GAD1: variants seen among roughly 807,000 people sequenced by gnomAD.
GAD1 encodes glutamate decarboxylase 1.
In GAD1, 35 loss-of-function variants were observed where a neutral mutation model predicts 75.2. That is an observed-to-expected ratio of 0.47 (90% confidence interval 0.36 to 0.62). GAD1 has a LOEUF of 0.62. Ranked by LOEUF, GAD1 falls within the 20% of genes least tolerant of loss-of-function variation. The probability of loss-of-function intolerance (pLI) is 0.00; values close to 1 mark genes in which losing one functional copy is unlikely to be tolerated. For synonymous variants in GAD1, 257 were observed against 271.9 expected (o/e 0.95, Z 0.54); for missense variants, 490 against 758.5 (o/e 0.65, Z 4.16).
intron 3 of GAD1, among the ~76,000 whole-genome samples, chr2:170,826,653 A>T (rs767278313): frequency 7.2e-5 from 11 of 151,958 alleles, no homozygotes; most frequent in Non-Finnish European, 1.2e-4. Flanking sequence ...CAAAACCTCA[A>T]GCCGAGTTTC....
intron 11 of GAD1, chr2:170,848,568 G>A (rs1442505261): frequency 2.4e-6 from 1 of 411,450 alleles, no homozygotes; most frequent in East Asian, 6.8e-5. Context: ...GTATACGGAA[G>A]GCATTATCAA....
rs551136040 is a variant in GAD1 at position 170,827,207 on chromosome 2, T to C, written c.146-2268T>C. 2.0e-5 allele frequency among the ~76,000 whole-genome samples: 3 copies of C among 152,262 alleles called. No homozygotes were observed. The South Asian group carries it at 6.2e-4, about 32-fold the overall frequency. On this transcript the variant is annotated intron_variant, in intron 3 of 16. Transcript: ENST00000358196. ...CATGCATCCCCCCTTCTCCCACCCA[T>C]CACAGTTGAATTGTAGTCCTGGGAA...
chr2:170,820,232 C>A (rs532402208), intron 2 of GAD1, among the ~76,000 whole-genome samples: 2 of 152,266 alleles, frequency 1.3e-5, no homozygotes, highest in South Asian at 2.1e-4. Context: ...GGCGCCCTTA[C>A]GGAATTCCCG....
Position 170,829,642 on chromosome 2 carries a change from T to C in GAD1, c.304+9T>C. The C allele has an allele frequency of 6.2e-7, 1 of 1,602,862 alleles. No homozygotes were observed. The highest frequency in any genetic ancestry group is 8.5e-7 in the Non-Finnish European group (1 of 1,172,398). On this transcript the variant is annotated intron_variant, in intron 4 of 16. Transcript: ENST00000358196. ...TAATCTGTTTGCTAGAGGTAGCCCCTGCCCCACTCCCGCCCCATGCTAGCC... is the reference window on the plus strand; with the variant it reads ...TAATCTGTTTGCTAGAGGTAGCCCCCGCCCCACTCCCGCCCCATGCTAGCC...
In GAD1 at chr2:170,845,525, G is replaced by A. The variant is rs956461027; in HGVS notation, c.771G>A (p.Met257Ile). Residue 257 changes from methionine (M) to isoleucine (I), a missense_variant, in exon 8 of 17, where the codon ATG (methionine) becomes ATA (isoleucine). By Grantham distance (10) the Met-to-Ile change is conservative. Coordinates refer to ENST00000358196, the MANE Select transcript of GAD1 (RefSeq NM_000817.3). ...IFSPGGAISN[M>I]YSIMAARYKY... Reference sequence around the variant, plus strand: ...TGACAGGGGGCGCCATATCCAACATGTACAGCATCATGGCTGCTCGCTACA... The same window carrying A: ...TGACAGGGGGCGCCATATCCAACATATACAGCATCATGGCTGCTCGCTACA... 1.2e-6 allele frequency: 2 copies of A among 1,613,830 alleles called. No individual in the cohort carries two copies. The highest frequency in any genetic ancestry group is 8.5e-7 in the Non-Finnish European group (1 of 1,180,024).
intron 6 of GAD1, among the ~76,000 whole-genome samples, chr2:170,840,658 A>AAGGG (rs766374558): frequency 5.2e-5 from 4 of 77,348 alleles, no homozygotes; most frequent in Non-Finnish European, 7.9e-5. Context: ...GGAGGTAGGG[A>AAGGG]AGGGAGGGAG....
chr2:170,854,071 G>A, intron 14 of GAD1, 49 bp downstream of exon 14: 1 of 1,606,738 alleles, frequency 6.2e-7, no homozygotes, highest in Non-Finnish European at 8.5e-7. Flanking sequence ...AATTTGCACA[G>A]ACTGGCTGGC....
At chr2:170,821,952 C>T in intron 2 of GAD1, 135 bp from the exon 3 acceptor site, 1 of 778,406 alleles carries the variant, frequency 1.3e-6, no homozygotes. Flanking sequence ...GCTCCTAGCT[C>T]CTTTCAGGAA....
intron 7 of GAD1, among the ~76,000 whole-genome samples, chr2:170,844,549 T>C (rs906117401): frequency 6.6e-6 from 1 of 151,958 alleles, no homozygotes; most frequent in Non-Finnish European, 1.5e-5. Context: ...GCTGGGACTA[T>C]AGGCATGTGC....
intron 6 of GAD1, among the ~76,000 whole-genome samples, chr2:170,838,688 A>G (rs1310562579): frequency 6.6e-6 from 1 of 152,204 alleles, no homozygotes; most frequent in Non-Finnish European, 1.5e-5. Context: ...ACTTATGACC[A>G]GATATTCCTA....
intron 6 of GAD1, among the ~76,000 whole-genome samples, chr2:170,840,615 G>A (rs927078769): frequency 6.8e-6 from 1 of 146,920 alleles, no homozygotes; most frequent in African/African-American, 2.5e-5. Context: ...AAGGAAGGGA[G>A]GGAGGGAGGA....
rs1701892575 is a variant in GAD1 at position 170,821,953 on chromosome 2, C to T, written c.83-134C>T. ...GGCTCACAGATTTGGCTCCTAGCTC[C>T]TTTCAGGAAGTAGCTTTTAATGAAG... is the stretch of plus-strand genomic sequence containing the variant. On this transcript the variant is annotated intron_variant, in intron 2 of 16. Coordinates refer to ENST00000358196, the MANE Select transcript of GAD1 (RefSeq NM_000817.3). The T allele has an allele frequency of 8.8e-6, 7 of 796,258 alleles. No individual in the cohort carries two copies. The East Asian group carries it at 1.9e-4, about 21-fold the overall frequency. The allele number at this position is 796,258 out of a possible 1,614,324, so 49.3% of individuals were successfully genotyped here.
chr2:170,818,307 A>C lies in GAD1; in HGVS notation c.-63-222A>C. The stretch of plus-strand genomic sequence containing the variant: ...GCACCGCCAGACTCGAGAGCGGCCC[A>C]GGGCTACGCTCCCTGCGCCCCAGTA... On this transcript the variant is annotated intron_variant, in intron 1 of 16. Transcript: ENST00000358196. This position sits in a 1 kb window ranked among gnomAD's most constrained non-coding sequence, Gnocchi z 5.9. 6.4e-6 allele frequency: 2 copies of C among 311,682 alleles called. No individual in the cohort carries two copies. Among genetic ancestry groups the C allele is most frequent in the Non-Finnish European group, 1.2e-5 (2 of 164,012 alleles). The allele number at this position is 311,682 out of a possible 1,614,324, so 19.3% of individuals were successfully genotyped here.
In GAD1 at chr2:170,822,091, C is replaced by A; in HGVS notation, c.87C>A (p.Tyr29Ter). ...PNTTNLRPTTYDTWCGVAHGC... is the reference protein window; with the variant it reads ...PNTTNLRPTT ...TCTCCCTCTCTCTCGTCCTAGCGTA[C>A]GATACCTGGTGCGGCGTGGCCCATG... The change falls in exon 3 of 17, where the codon TAC becomes TAA. Residue 29 changes from tyrosine (Y) to a stop codon, truncating the protein, a stop_gained. Coordinates refer to ENST00000358196, the MANE Select transcript of GAD1 (RefSeq NM_000817.3). LOFTEE classifies it high-confidence loss of function. 2 of 1,609,798 alleles carry A rather than the reference C, an allele frequency of 1.2e-6. No individual in the cohort carries two copies. The highest frequency in any genetic ancestry group is 8.5e-7 in the Non-Finnish European group (1 of 1,178,352).
chr2:170,831,357 T>C (rs1475818769), intron 5 of GAD1, among the ~76,000 whole-genome samples, 165 bp downstream of exon 5: 2 of 152,092 alleles, frequency 1.3e-5, no homozygotes, highest in Non-Finnish European at 2.9e-5. Context: ...CAGTAACAGT[T>C]GGTGGAGGGA....
intron 6 of GAD1, among the ~76,000 whole-genome samples, chr2:170,839,209 G>A (rs1055142570): frequency 6.6e-6 from 1 of 152,190 alleles, no homozygotes; most frequent in Non-Finnish European, 1.5e-5. Flanking sequence ...TTGAATTTAG[G>A]TGGCACCTGA....
chr2:170,820,528 ACTT>A, intron 2 of GAD1, among the ~76,000 whole-genome samples: 1 of 152,228 alleles, frequency 6.6e-6, no homozygotes, highest in African/African-American at 2.4e-5. Context: ...AGCTGGCTCC[ACTT>A]CTTTGCCCCT....
chr2:170,854,368 C>G (rs1553581969), intron 14 of GAD1, among the ~76,000 whole-genome samples: 1 of 150,464 alleles, frequency 6.6e-6, no homozygotes, highest in Non-Finnish European at 1.5e-5. Flanking sequence ...AATAAAATTA[C>G]TGCATTATTC....
In GAD1 at chr2:170,831,761, ATATT is replaced by A. The variant is rs894729126; in HGVS notation, c.547+573_547+576del. On this transcript the variant is annotated intron_variant, in intron 5 of 16. Coordinates refer to ENST00000358196, the MANE Select transcript of GAD1 (RefSeq NM_000817.3). ...TAATAAATATAAAAATAATATATAA[ATATT>A]TATATATAATATTTATATTATATAT... Among the ~76,000 whole-genome samples, 18 of 139,372 alleles carry A rather than the reference ATATT, an allele frequency of 1.3e-4. 1 individual carries two copies. The East Asian group carries it at 1.4e-3, about 11-fold the overall frequency. The allele number at this position is 139,372 out of a possible 152,430, so 91.4% of individuals were successfully genotyped here. A position where few individuals can be genotyped will look rare whatever the true frequency, so the allele number is the denominator to read the frequency against.
Sources: gnomAD v4.1 joint callset for allele counts (sites outside exome capture counted in the v4.1 genomes callset) on GRCh38, gnomAD v4.1.1 for gene constraint, Gnocchi (gnomAD v3.1) non-coding constraint, MANE v1.5 for transcripts, NCBI Gene and HGNC (gene_info 2026-07-23, HGNC 2026-07-21) for gene names.